Variants in SEPTIN6 observed in about 807,000 individuals in gnomAD.
SEPTIN6 encodes septin-6.
A neutral mutation model predicts 33.6 loss-of-function variants in SEPTIN6; 8 were observed. The observed-to-expected ratio is 0.24, with a 90% CI of 0.14 to 0.43. SEPTIN6 has a LOEUF of 0.43. Ranked by LOEUF, SEPTIN6 falls within the 20% of genes least tolerant of loss-of-function variation. The pLI, the probability that SEPTIN6 is intolerant of heterozygous loss-of-function variation, is 1.00. For missense variants in SEPTIN6, 250 were observed against 340.8 expected (o/e 0.73, Z 2.10); for synonymous variants, 131 against 140.0 (o/e 0.94, Z 0.45).
intron 7 of SEPTIN6, 77 bp from the exon 8 acceptor site, chrX:119,633,569 C>A: frequency 1.8e-6 from 2 of 1,083,688 alleles, no homozygotes; most frequent in Middle Eastern, 2.6e-4. Flanking sequence ...AAGATCCTCA[C>A]TGGGTTCCTC....
intron 2 of SEPTIN6, among the ~76,000 whole-genome samples, chrX:119,667,364 G>A (rs972409193): frequency 9.9e-5 from 11 of 110,937 alleles, no homozygotes; most frequent in African/African-American, 3.6e-4. Context: ...GCCGGGCAGG[G>A]CAGGACAGGG....
intron 7 of SEPTIN6, among the ~76,000 whole-genome samples, chrX:119,636,345 A>G (rs1425160056): frequency 8.9e-6 from 1 of 111,985 alleles, no homozygotes; most frequent in Non-Finnish European, 1.9e-5. Flanking sequence ...TATAGATCAG[A>G]CACTTCTACT....
In SEPTIN6 at chrX:119,617,121, TG is replaced by T; in HGVS notation, c.*2971del. ...GTACGTGTGTGTGTGTGTGTGTGTG[TG>T]TGTGTGTGTGTGTGTGTGTGTGTGT... On this transcript the variant is annotated 3_prime_UTR_variant, in exon 11 of 11. Transcript: ENST00000394610. 1 of 809,008 alleles carries T rather than the reference TG, an allele frequency of 1.2e-6. No individual in the cohort carries two copies. The allele number at this position is 809,008 out of a possible 1,213,427, so 66.7% of individuals were successfully genotyped here.
intron 1 of SEPTIN6, among the ~76,000 whole-genome samples, chrX:119,689,096 C>T (rs1231850289): frequency 9.0e-6 from 1 of 111,705 alleles, no homozygotes; most frequent in East Asian, 2.8e-4. Context: ...GCAAAGTTAG[C>T]CCCTGAAAGT....
At chrX:119,659,029 G>T (rs1443270775) in intron 3 of SEPTIN6, among the ~76,000 whole-genome samples, 1 of 111,782 alleles carries the variant, frequency 8.9e-6, no homozygotes, top group Non-Finnish European at 1.9e-5. Flanking sequence ...TTTGAATTTT[G>T]TGTCATGATT....
Position 119,619,113 on chromosome X carries a change from A to G in SEPTIN6, c.*980T>C. On this transcript the variant is annotated 3_prime_UTR_variant, in exon 11 of 11. Coordinates refer to ENST00000394610, the MANE Select transcript of SEPTIN6 (RefSeq NM_145799.4). ...TTAAAAATCATCATGACATTCACCA[A>G]ATGAACTAGAAGACTCATCAGAGCA... 1 of 894,034 alleles carries G rather than the reference A, an allele frequency of 1.1e-6. No homozygotes were observed. The highest frequency in any genetic ancestry group is 5.2e-5 in the East Asian group (1 of 19,287). 73.7% of individuals were successfully genotyped at this position (894,034 alleles called of 1,213,427 possible). A position where few individuals can be genotyped will look rare whatever the true frequency, so the allele number is the denominator to read the frequency against.
At chrX:119,689,494 T>C (rs2055119690) in intron 1 of SEPTIN6, among the ~76,000 whole-genome samples, 1 of 112,133 alleles carries the variant, frequency 8.9e-6, no homozygotes, top group Admixed American at 9.5e-5. Flanking sequence ...CTTTTTTTTG[T>C]TTTGTTTTTT....
intron 4 of SEPTIN6, 97 bp from the exon 5 acceptor site, chrX:119,650,195 C>T: frequency 1.1e-6 from 1 of 885,701 alleles, no homozygotes; most frequent in Non-Finnish European, 1.6e-6. Flanking sequence ...GGGAGCCGCT[C>T]AGCCCAGTGG....
At position 119,678,006 on chromosome X, in the gene SEPTIN6, G is replaced by A. The variant is rs1051293621; in HGVS notation, c.31-2338C>T. On this transcript the variant is annotated intron_variant, in intron 1 of 10. Coordinates refer to ENST00000394610, the MANE Select transcript of SEPTIN6 (RefSeq NM_145799.4). The stretch of plus-strand genomic sequence containing the variant: ...GCAGCACTTGGGGAGGCCGAAGTGG[G>A]CGGATCTCTTGAGCCCAGGAGTTTG... Among the ~76,000 whole-genome samples the A allele has an allele frequency of 3.6e-5, 4 of 112,044 alleles. No individual in the cohort carries two copies. The South Asian group carries it at 1.1e-3, about 31-fold the overall frequency.
At position 119,623,833 on chromosome X, in the gene SEPTIN6, C is replaced by T. The variant is rs1475779959; in HGVS notation, c.*41+1502G>A. ...CAGCCTCGGTGACAGAGTGAGACTC[C>T]GTCTCAAAAAAAGAAACAAACAAAC... On this transcript the variant is annotated intron_variant, in intron 10 of 10. Coordinates refer to ENST00000394610, the MANE Select transcript of SEPTIN6 (RefSeq NM_145799.4). Among the ~76,000 whole-genome samples the T allele has an allele frequency of 4.5e-5, 5 of 111,342 alleles. No individual in the cohort carries two copies. In the East Asian group the frequency reaches 8.6e-4, roughly 19 times the overall value.
intron 5 of SEPTIN6, among the ~76,000 whole-genome samples, chrX:119,644,437 C>T (rs2054208970): frequency 9.0e-6 from 1 of 111,426 alleles, no homozygotes; most frequent in Non-Finnish European, 1.9e-5. Context: ...CCTCATAGTT[C>T]TGGAGGCTGG....
At position 119,664,867 on chromosome X, in the gene SEPTIN6, C is replaced by A. The variant is rs753387994; in HGVS notation, c.146-1190G>T. On this transcript the variant is annotated intron_variant, in intron 2 of 10. Coordinates refer to ENST00000394610, the MANE Select transcript of SEPTIN6 (RefSeq NM_145799.4). ...AAAAAAAAAAAAAAAAAAAAGACAGCGGTCCCTTGTCAAACAAATATCCTT... is the reference window on the plus strand; with the variant it reads ...AAAAAAAAAAAAAAAAAAAAGACAGAGGTCCCTTGTCAAACAAATATCCTT... Among the ~76,000 whole-genome samples the A allele has an allele frequency of 5.1e-4, 53 of 103,724 alleles. 1 individual carries two copies. The highest frequency in any genetic ancestry group is 9.7e-3 in the Middle Eastern group (2 of 206). 90.1% of individuals were successfully genotyped at this position (103,724 alleles called of 115,157 possible).
chrX:119,669,025 A>T (rs1022076073), intron 2 of SEPTIN6, among the ~76,000 whole-genome samples: 3 of 111,880 alleles, frequency 2.7e-5, no homozygotes, highest in Non-Finnish European at 5.6e-5. Flanking sequence ...TATGAGTGAG[A>T]ACATACAATG....
chrX:119,624,103 A>G, intron 10 of SEPTIN6: 1 of 313,755 alleles, frequency 3.2e-6, no homozygotes, highest in Non-Finnish European at 6.2e-6. Context: ...AATTCTCTAT[A>G]ATTTCTAAGA....
At chrX:119,671,723 C>T (rs1331036016) in intron 2 of SEPTIN6, among the ~76,000 whole-genome samples, 6 of 110,366 alleles carry the variant, frequency 5.4e-5, no homozygotes, top group Admixed American at 1.9e-4. Context: ...GCTGTGATCA[C>T]GCCACAGCAC....
At chrX:119,673,602 C>T (rs1246085876) in intron 2 of SEPTIN6, among the ~76,000 whole-genome samples, 1 of 110,457 alleles carries the variant, frequency 9.1e-6, no homozygotes, top group African/African-American at 3.3e-5. Flanking sequence ...CGCGGTGGCT[C>T]ATGCCTGTAA....
intron 1 of SEPTIN6, among the ~76,000 whole-genome samples, chrX:119,680,842 G>A (rs1033068783): frequency 1.8e-5 from 2 of 108,633 alleles, no homozygotes; most frequent in Non-Finnish European, 3.8e-5. Flanking sequence ...TTGGCTGGGC[G>A]CGGTGGCAGA....
At position 119,618,345 on chromosome X, in the gene SEPTIN6, C is replaced by T; in HGVS notation, c.*1748G>A. 1 of 817,851 alleles carries T rather than the reference C, an allele frequency of 1.2e-6. No homozygotes were observed. Among genetic ancestry groups the T allele is most frequent in the Non-Finnish European group, 1.5e-6 (1 of 679,111 alleles). 67.4% of individuals were successfully genotyped at this position (817,851 alleles called of 1,213,427 possible). On this transcript the variant is annotated 3_prime_UTR_variant, in exon 11 of 11. Coordinates refer to ENST00000394610, the MANE Select transcript of SEPTIN6 (RefSeq NM_145799.4). ...TAGAGCACCAAACCTACACAGCAAA[C>T]CTATATTCTTGCTTTGTCAACAAGA...
intron 1 of SEPTIN6, among the ~76,000 whole-genome samples, chrX:119,688,240 T>A (rs1447649460): frequency 8.9e-6 from 1 of 111,753 alleles, no homozygotes; most frequent in Non-Finnish European, 1.9e-5. Context: ...CTGCCTCCAT[T>A]CATTGCTGAG....
Sources: gnomAD v4.1 joint callset for allele counts (sites outside exome capture counted in the v4.1 genomes callset) on GRCh38, gnomAD v4.1.1 for gene constraint, MANE v1.5 for transcripts, NCBI Gene and HGNC (gene_info 2026-07-23, HGNC 2026-07-21) for gene names.